TBCK: variants seen among roughly 807,000 people sequenced by gnomAD.
The protein encoded by TBCK is TBC1 domain containing kinase.
Under a neutral mutation model 113.4 loss-of-function variants are expected in TBCK, and 99 were observed. That is an observed-to-expected ratio of 0.87 (90% confidence interval 0.74 to 1.03). The LOEUF (loss-of-function observed/expected upper bound fraction) is 1.03, where lower values mean the gene tolerates loss of function less well. Among genes scored for constraint, TBCK ranks in the 50% least tolerant of loss-of-function variants. The pLI is 0.00. For synonymous variants in TBCK, 369 were observed against 370.8 expected (o/e 1.00, Z 0.05); for missense variants, 1,045 against 1,061.3 (o/e 0.98, Z 0.21).
At chr4:106,296,534 G>T (rs1766322274) in intron 2 of TBCK, among the ~76,000 whole-genome samples, 1 of 152,062 alleles carries the variant, frequency 6.6e-6, no homozygotes, top group African/African-American at 2.4e-5. Flanking sequence ...TTAAGGCATG[G>T]TCTTGAATGG....
At chr4:106,293,814 A>G (rs955789186) in intron 3 of TBCK, among the ~76,000 whole-genome samples, 8 of 152,240 alleles carry the variant, frequency 5.3e-5, no homozygotes, top group African/African-American at 1.9e-4. Flanking sequence ...TCAGAGTAAC[A>G]ATATTTTTCA....
chr4:106,165,369 G>A (rs1020528003), intron 23 of TBCK, among the ~76,000 whole-genome samples: 1 of 151,674 alleles, frequency 6.6e-6, no homozygotes, highest in Non-Finnish European at 1.5e-5. Flanking sequence ...ATAGTATTAA[G>A]ACTAAGAAGT....
chr4:106,216,698 C>G (rs1756974508), intron 19 of TBCK, among the ~76,000 whole-genome samples: 1 of 152,170 alleles, frequency 6.6e-6, no homozygotes, highest in Admixed American at 6.5e-5. Flanking sequence ...AGACCAATAA[C>G]AGGATCTGAG....
chr4:106,297,049 T>C (rs2125854687), intron 2 of TBCK, among the ~76,000 whole-genome samples: 1 of 152,258 alleles, frequency 6.6e-6, no homozygotes, highest in South Asian at 2.1e-4. Context: ...TCCTTACATT[T>C]ATCTGGCTCC....
rs1760595109 is a variant in TBCK, at chr4:106,244,881, T to C, written c.932-117A>G. The C allele has an allele frequency of 6.5e-6, 4 of 611,882 alleles. No individual in the cohort carries two copies. The African/African-American group carries it at 7.8e-5, about 12-fold the overall frequency. 37.9% of individuals were successfully genotyped at this position (611,882 alleles called of 1,614,324 possible). On this transcript the variant is annotated intron_variant, in intron 10 of 25. Coordinates refer to ENST00000394708, the MANE Select transcript of TBCK (RefSeq NM_001163435.3). ...TAAACTCTGAAGAACAGACTTCCAG[T>C]TCCTAGTTCTGATTGTAGGGAGCCT...
intron 2 of TBCK, among the ~76,000 whole-genome samples, chr4:106,306,118 C>G (rs1019214891): frequency 6.6e-6 from 1 of 152,036 alleles, no homozygotes; most frequent in Non-Finnish European, 1.5e-5. Context: ...GGATTGGGAC[C>G]CTTTCCTGTA....
chr4:106,309,949 A>C (rs191250158), intron 1 of TBCK: 1 of 152,290 alleles, frequency 6.6e-6, no homozygotes, highest in African/African-American at 2.4e-5. Context: ...GGTGCCCCAA[A>C]GTTGCGTAAA....
Position 106,236,426 on chromosome 4 carries a change from T to A in TBCK, c.1314A>T (p.Gln438His). The part of the protein sequence containing the change: ...LIIREKDTEY[Q>H]LNRIILFDRL... Reference sequence around the variant, plus strand: ...TGTCGAAGAGAATAATTCTATTTAGTTGGTACTCTGTATCCTTCTCTCTGA... The same window carrying A: ...TGTCGAAGAGAATAATTCTATTTAGATGGTACTCTGTATCCTTCTCTCTGA... Residue 438 changes from glutamine to histidine, a missense_variant, in exon 14 of 26, where the codon CAA becomes CAT. Coordinates refer to ENST00000394708, the MANE Select transcript of TBCK (RefSeq NM_001163435.3). 1 of 1,559,026 alleles carries A rather than the reference T, an allele frequency of 6.4e-7. No homozygotes were observed. Among genetic ancestry groups the A allele is most frequent in the Admixed American group, 1.8e-5 (1 of 55,404 alleles).
intron 24 of TBCK, among the ~76,000 whole-genome samples, chr4:106,111,187 T>C (rs1742812015): frequency 6.6e-6 from 1 of 152,138 alleles, no homozygotes; most frequent in South Asian, 2.1e-4. Flanking sequence ...GCCCATGAAT[T>C]AGCCGAGGAG....
intron 23 of TBCK, among the ~76,000 whole-genome samples, chr4:106,130,205 A>G (rs1745717063): frequency 6.6e-6 from 1 of 152,230 alleles, no homozygotes; most frequent in African/African-American, 2.4e-5. Flanking sequence ...GAATGTATAA[A>G]TCAACATTAA....
chr4:106,170,166 A>G (rs1295468980), intron 23 of TBCK, among the ~76,000 whole-genome samples: 1 of 152,120 alleles, frequency 6.6e-6, no homozygotes, highest in African/African-American at 2.4e-5. Flanking sequence ...ACATGGAAAT[A>G]TCTTCAGCTG....
At chr4:106,169,988 T>G (rs1750808498) in intron 23 of TBCK, among the ~76,000 whole-genome samples, 1 of 152,086 alleles carries the variant, frequency 6.6e-6, no homozygotes, top group Non-Finnish European at 1.5e-5. Context: ...AAGGGAGCAG[T>G]GGCCGTAAAT....
chr4:106,303,667 C>T (rs1767194850), intron 2 of TBCK, among the ~76,000 whole-genome samples: 1 of 152,088 alleles, frequency 6.6e-6, no homozygotes, highest in African/African-American at 2.4e-5. Context: ...CCTCATTATA[C>T]CCCACCCCCT....
At chr4:106,153,944 T>C (rs1748827661) in intron 23 of TBCK, among the ~76,000 whole-genome samples, 1 of 152,086 alleles carries the variant, frequency 6.6e-6, no homozygotes, top group African/African-American at 2.4e-5. Flanking sequence ...AGTCAACATG[T>C]GTCTTTATAG....
intron 3 of TBCK, among the ~76,000 whole-genome samples, chr4:106,277,745 T>C (rs1764171907): frequency 6.6e-6 from 1 of 152,158 alleles, no homozygotes; most frequent in African/African-American, 2.4e-5. Flanking sequence ...TCTCAGATAA[T>C]GGTGGTAATC....
At chr4:106,278,706 T>C (rs536189739) in intron 3 of TBCK, among the ~76,000 whole-genome samples, 2 of 151,874 alleles carry the variant, frequency 1.3e-5, no homozygotes, top group African/African-American at 4.8e-5. Flanking sequence ...GTATAATATA[T>C]GTAAAAGTAA....
intron 19 of TBCK, among the ~76,000 whole-genome samples, chr4:106,214,070 G>A (rs1025387249): frequency 6.6e-5 from 10 of 152,196 alleles, no homozygotes; most frequent in Admixed American, 3.9e-4. Context: ...CCTGACCCCC[G>A]AGCAGCCTAA....
At chr4:106,266,369 A>G (rs1762996754) in intron 3 of TBCK, among the ~76,000 whole-genome samples, 1 of 151,810 alleles carries the variant, frequency 6.6e-6, no homozygotes, top group Non-Finnish European at 1.5e-5. Flanking sequence ...ATATTCAGCT[A>G]TGACACTAGA....
intron 23 of TBCK, among the ~76,000 whole-genome samples, chr4:106,123,594 G>A (rs1744742584): frequency 6.6e-6 from 1 of 152,102 alleles, no homozygotes. Context: ...AACAAAGCTG[G>A]AGGCATCACA....
Sources: gnomAD v4.1 joint callset for allele counts (sites outside exome capture counted in the v4.1 genomes callset) on GRCh38, gnomAD v4.1.1 for gene constraint, MANE v1.5 for transcripts, NCBI Gene and HGNC (gene_info 2026-07-23, HGNC 2026-07-21) for gene names.